The following PDE8B variants were observed in gnomAD, a reference collection of about 807,000 sequenced individuals.
PDE8B encodes the protein high affinity cAMP-specific and IBMX-insensitive 3',5'-cyclic phosphodiesterase 8B.
A neutral mutation model predicts 101.3 loss-of-function variants in PDE8B; 26 were observed. The observed-to-expected ratio is 0.26, with a 90% CI of 0.19 to 0.36. The LOEUF (loss-of-function observed/expected upper bound fraction) is 0.36. Ranked by LOEUF, PDE8B falls within the 10% of genes least tolerant of loss-of-function variation. The pLI, the probability that PDE8B is intolerant of heterozygous loss-of-function variation, is 1.00. For synonymous variants in PDE8B, 424 were observed against 429.3 expected, an observed-to-expected ratio of 0.99 and a Z score of 0.15; for missense variants, 810 against 1,163.1, an observed-to-expected ratio of 0.70 and a Z score of 4.42.
At chr5:77,375,000 C>G (rs574806305) in intron 10 of PDE8B, among the ~76,000 whole-genome samples, 4 of 152,302 alleles carry the variant, frequency 2.6e-5, no homozygotes, top group Non-Finnish European at 2.9e-5. Context: ...TTCTCTAATT[C>G]TTGAGAAATT....
intron 19 of PDE8B, 29 bp from the exon 20 acceptor site, chr5:77,421,790 ACC>A: frequency 1.2e-6 from 2 of 1,611,650 alleles, no homozygotes; most frequent in Non-Finnish European, 1.7e-6. Flanking sequence ...GTCATCTTGA[ACC>A]AAGCCTGATC....
intron 1 of PDE8B, among the ~76,000 whole-genome samples, chr5:77,213,373 T>G (rs1748913988): frequency 6.6e-6 from 1 of 152,192 alleles, no homozygotes; most frequent in Non-Finnish European, 1.5e-5. Flanking sequence ...AAGTGAAATT[T>G]GAGACCAGAG....
rs1007933888 is a variant in PDE8B at position 77,338,933 on chromosome 5, G to A, written c.797+1618G>A. 2.6e-5 allele frequency among the ~76,000 whole-genome samples: 4 copies of A among 152,186 alleles called. 1 individual carries two copies. Among genetic ancestry groups the A allele is most frequent in the African/African-American group, 9.7e-5 (4 of 41,438 alleles). ...TGATGGCATATGTTAGGTGCCAGGA[G>A]ATGCCCTAATACAGATTCTGCAGTG... On this transcript the variant is annotated intron_variant, in intron 6 of 21. Transcript: ENST00000264917.
intron 1 of PDE8B, among the ~76,000 whole-genome samples, chr5:77,231,457 G>T (rs994172424): frequency 1.3e-5 from 2 of 152,194 alleles, no homozygotes; most frequent in Non-Finnish European, 2.9e-5. Context: ...GGAAGTCATT[G>T]GGTTTAGGTT....
chr5:77,392,522 G>C (rs1396253143), intron 10 of PDE8B, among the ~76,000 whole-genome samples: 1 of 152,204 alleles, frequency 6.6e-6, no homozygotes, highest in Non-Finnish European at 1.5e-5. Flanking sequence ...AAGGTTGTTT[G>C]ACCTAATGGC....
rs193169221 is a variant in PDE8B at position 77,400,025 on chromosome 5, C to T, written c.1168-223C>T. 8.5e-5 allele frequency among the ~76,000 whole-genome samples: 13 copies of T among 152,270 alleles called. No individual in the cohort carries two copies. In the East Asian group the frequency reaches 1.5e-3, roughly 18 times the overall value. On this transcript the variant is annotated intron_variant, in intron 10 of 21. Coordinates refer to ENST00000264917, the MANE Select transcript of PDE8B (RefSeq NM_003719.5). The stretch of plus-strand genomic sequence containing the variant: ...TCTAGAGAGTATGTGCCTTGGGTAC[C>T]TTCCTGCTCTCAGGCTCAGCCATTC...
At chr5:77,412,994 C>G (rs145283056) in intron 16 of PDE8B, 117 bp from the exon 17 acceptor site, 40 of 848,786 alleles carry the variant, frequency 4.7e-5, no homozygotes, top group African/African-American at 4.5e-4. Context: ...TTTTAAACCC[C>G]TGTGTGTGTG....
the PDE8B span, among the ~76,000 whole-genome samples, chr5:77,180,736 A>G: frequency 4.6e-5 from 7 of 152,220 alleles, no homozygotes; most frequent in Non-Finnish European, 8.8e-5. Flanking sequence ...CCCAATAATA[A>G]TTGACCACAG....
rs755205148 is a variant in PDE8B, at chr5:77,329,065, C to T, written c.650+8C>T. 1.2e-6 allele frequency: 2 copies of T among 1,606,498 alleles called. No individual in the cohort carries two copies. The highest frequency in any genetic ancestry group is 1.7e-6 in the Non-Finnish European group (2 of 1,173,006). On this transcript the variant is annotated splice_region_variant and intron_variant, in intron 4 of 21. Transcript: ENST00000264917. ...CGCAGTGGTTTCGCGAGTGTAAGTGCACCTCCCATTCCCAGATGGAAGGAG... is the reference window on the plus strand; with the variant it reads ...CGCAGTGGTTTCGCGAGTGTAAGTGTACCTCCCATTCCCAGATGGAAGGAG...
At chr5:77,408,763 C>T (rs1029415582) in intron 13 of PDE8B, 130 bp from the exon 14 acceptor site, 3 of 773,436 alleles carry the variant, frequency 3.9e-6, no homozygotes, top group South Asian at 2.8e-5. Context: ...AGGGCGGTGC[C>T]GTGAAAGCAC....
chr5:77,137,542 A>G, the PDE8B span, among the ~76,000 whole-genome samples: 8 of 152,222 alleles, frequency 5.3e-5, no homozygotes, highest in Non-Finnish European at 1.2e-4. Flanking sequence ...TCTAGTGGCC[A>G]TGTCAGATCC....
intron 17 of PDE8B, among the ~76,000 whole-genome samples, chr5:77,417,975 C>T (rs1386068620): frequency 6.6e-6 from 1 of 152,188 alleles, no homozygotes; most frequent in Non-Finnish European, 1.5e-5. Flanking sequence ...CTTCCTGCAG[C>T]TGATGGCCCC....
At chr5:77,397,588 C>A (rs1791348282) in intron 10 of PDE8B, among the ~76,000 whole-genome samples, 1 of 152,128 alleles carries the variant, frequency 6.6e-6, no homozygotes, top group Non-Finnish European at 1.5e-5. Context: ...ACCTAAACAG[C>A]ATTATCTGGA....
At chr5:77,208,944 T>C (rs1415735161), upstream of PDE8B, among the ~76,000 whole-genome samples, 1 of 152,166 alleles carries the variant, frequency 6.6e-6, no homozygotes, top group Admixed American at 6.5e-5. Context: ...TGAGGCTTGG[T>C]CAATTTCTCC....
chr5:77,424,421 A>G (rs766259310), intron 20 of PDE8B, among the ~76,000 whole-genome samples: 1 of 152,244 alleles, frequency 6.6e-6, no homozygotes, highest in East Asian at 1.9e-4. Context: ...TTCTGGCTTA[A>G]TACACCACCA....
At position 77,409,056 on chromosome 5, in the gene PDE8B, CTG is replaced by C; in HGVS notation, c.1530+2_1530+3del. On this transcript the variant is annotated splice_donor_variant and coding_sequence_variant, in exon 14 of 22. Coordinates refer to ENST00000264917, the MANE Select transcript of PDE8B (RefSeq NM_003719.5). LOFTEE classifies it high-confidence loss of function. ...AGTGATCTTGTTGGAGGCCTGATGA[CTG>C]TGAGTGATGAGGCAAAACCTGAAAA... The C allele has an allele frequency of 6.2e-7, 1 of 1,613,696 alleles. No homozygotes were observed. The highest frequency in any genetic ancestry group is 8.5e-7 in the Non-Finnish European group (1 of 1,179,662).
At chr5:77,172,812 G>C in the PDE8B span, among the ~76,000 whole-genome samples, 58 of 152,152 alleles carry the variant, frequency 3.8e-4, no homozygotes, top group African/African-American at 1.3e-3. Flanking sequence ...AGTGGGTGTC[G>C]GAGTAGGTAA....
At chr5:77,412,966 A>T in intron 16 of PDE8B, 145 bp from the exon 17 acceptor site, 3 of 734,680 alleles carry the variant, frequency 4.1e-6, no homozygotes, top group Non-Finnish European at 7.3e-6. Flanking sequence ...CCTACCTCCT[A>T]ATTTTTAGAG....
intron 10 of PDE8B, among the ~76,000 whole-genome samples, chr5:77,370,609 T>C (rs1468791598): frequency 6.6e-6 from 1 of 152,236 alleles, no homozygotes; most frequent in Non-Finnish European, 1.5e-5. Flanking sequence ...TGAATAAAGC[T>C]GCTGTGAATA....
Sources: allele counts gnomAD v4.1 joint callset (sites outside exome capture counted in the v4.1 genomes callset), GRCh38; gene constraint gnomAD v4.1.1; transcripts MANE v1.5; gene names NCBI Gene and HGNC (gene_info 2026-07-23, HGNC 2026-07-21).